OCA2: variants seen among roughly 807,000 people sequenced by gnomAD.
OCA2 encodes the protein P protein.
A neutral mutation model predicts 100.2 loss-of-function variants in OCA2; 77 were observed. The ratio of observed to expected loss-of-function variants is 0.77; its 90% confidence interval spans 0.64 to 0.93. OCA2 has a LOEUF of 0.93. Ranked by LOEUF, OCA2 falls within the 40% of genes least tolerant of loss-of-function variation. The pLI is 0.00. For missense variants in OCA2, 1,062 were observed against 1,089.1 expected (o/e 0.98, Z 0.35); for synonymous variants, 432 against 439.2 (o/e 0.98, Z 0.21).
intron 20 of OCA2, among the ~76,000 whole-genome samples, chr15:27,871,580 G>A (rs1352083680): frequency 6.6e-6 from 1 of 152,228 alleles, no homozygotes; most frequent in African/African-American, 2.4e-5. Context: ...TGGGGCTGGG[G>A]CGCCTGCAGC....
intron 17 of OCA2, among the ~76,000 whole-genome samples, chr15:27,952,754 A>G (rs2040077401): frequency 6.6e-6 from 1 of 151,774 alleles, no homozygotes; most frequent in African/African-American, 2.4e-5. Flanking sequence ...TCTCAGCTCA[A>G]CGCAACCTCC....
chr15:27,971,075 G>A (rs2040769696), intron 14 of OCA2, among the ~76,000 whole-genome samples: 1 of 151,176 alleles, frequency 6.6e-6, no homozygotes, highest in Non-Finnish European at 1.5e-5. Context: ...AGGAAAGCCT[G>A]AAGAACGCCC....
intron 8 of OCA2, among the ~76,000 whole-genome samples, chr15:28,015,347 G>A (rs766448231): frequency 2.0e-5 from 3 of 151,738 alleles, no homozygotes; most frequent in Non-Finnish European, 4.4e-5. Context: ...CCACAGGTCT[G>A]TGGCGAACAC....
the OCA2 span, among the ~76,000 whole-genome samples, chr15:27,720,589 G>A: frequency 1.3e-5 from 2 of 151,124 alleles, no homozygotes; most frequent in East Asian, 1.9e-4. Context: ...AAAACCACTA[G>A]GCTGAGCAAA....
the OCA2 span, among the ~76,000 whole-genome samples, chr15:27,738,436 A>C: frequency 6.6e-6 from 1 of 152,198 alleles, no homozygotes; most frequent in Admixed American, 6.5e-5. Context: ...GCTTCCACTT[A>C]TAAGAAGCTC....
intron 23 of OCA2, among the ~76,000 whole-genome samples, chr15:27,783,558 T>G (rs955253548): frequency 2.6e-5 from 4 of 152,210 alleles, no homozygotes; most frequent in Non-Finnish European, 5.9e-5. Context: ...AAATGGGATG[T>G]GAGCAGCTGC....
intron 15 of OCA2, among the ~76,000 whole-genome samples, chr15:27,964,596 CG>C (rs1437733040): frequency 6.6e-6 from 1 of 152,042 alleles, no homozygotes. Context: ...GGGGAGGGGG[CG>C]GGGGGTACAA....
At chr15:27,995,678 C>G (rs1204011963) in intron 9 of OCA2, among the ~76,000 whole-genome samples, 1 of 152,018 alleles carries the variant, frequency 6.6e-6, no homozygotes, top group Non-Finnish European at 1.5e-5. Context: ...GCATGAGCCA[C>G]CATGCTTGAA....
At chr15:27,791,579 A>T (rs2033082961) in intron 23 of OCA2, among the ~76,000 whole-genome samples, 1 of 152,326 alleles carries the variant, frequency 6.6e-6, no homozygotes, top group Non-Finnish European at 1.5e-5. Context: ...TTGTGCTGCT[A>T]TGTATGTGGC....
At chr15:28,047,733 G>A (rs2043387215) in intron 2 of OCA2, among the ~76,000 whole-genome samples, 1 of 152,120 alleles carries the variant, frequency 6.6e-6, no homozygotes, top group Non-Finnish European at 1.5e-5. Flanking sequence ...TTTCACTATT[G>A]CTAATTCACC....
At position 27,994,897 on chromosome 15, in the gene OCA2, G is replaced by A. The variant is rs895594917; in HGVS notation, c.1045-4250C>T. On this transcript the variant is annotated intron_variant, in intron 9 of 23. Transcript: ENST00000354638. ...AGATAGGTGGGATACCGAGCAGATG[G>A]AAAGACAAAACTTCTTTTGGTTACC... Among the ~76,000 whole-genome samples, 4 of 151,960 alleles carry A rather than the reference G, an allele frequency of 2.6e-5. No individual in the cohort carries two copies. The East Asian group carries it at 7.8e-4, about 30-fold the overall frequency.
intron 21 of OCA2, among the ~76,000 whole-genome samples, chr15:27,865,488 C>T (rs1033549631): frequency 2.0e-5 from 3 of 152,304 alleles, no homozygotes; most frequent in Admixed American, 2.0e-4. Flanking sequence ...AGGCACTGCA[C>T]CCTGTGTTCA....
chr15:27,934,096 G>A (rs781623021), intron 18 of OCA2, among the ~76,000 whole-genome samples: 30 of 151,592 alleles, frequency 2.0e-4, no homozygotes, highest in Non-Finnish European at 3.8e-4. Context: ...TATCACACAA[G>A]CCTTGCCATT....
intron 19 of OCA2, among the ~76,000 whole-genome samples, chr15:27,896,929 G>A (rs942799276): frequency 6.6e-6 from 1 of 152,116 alleles, no homozygotes; most frequent in African/African-American, 2.4e-5. Flanking sequence ...AGTGGCTCAC[G>A]CCTATAATCC....
At chr15:27,762,246 G>T (rs2030898032) in intron 23 of OCA2, among the ~76,000 whole-genome samples, 1 of 151,970 alleles carries the variant, frequency 6.6e-6, no homozygotes, top group Non-Finnish European at 1.5e-5. Flanking sequence ...GTCCATGTGA[G>T]ACAGAGTAGA....
intron 2 of OCA2, among the ~76,000 whole-genome samples, chr15:28,059,568 C>A (rs2043808565): frequency 6.6e-6 from 1 of 152,168 alleles, no homozygotes; most frequent in African/African-American, 2.4e-5. Context: ...TAATCATCAT[C>A]ATCATAAGAC....
At chr15:27,943,998 C>T (rs116427415) in intron 18 of OCA2, among the ~76,000 whole-genome samples, 74 of 152,260 alleles carry the variant, frequency 4.9e-4, no homozygotes, top group African/African-American at 1.6e-3. Context: ...TGTCATGGGC[C>T]GTGTTCACTC....
intron 9 of OCA2, among the ~76,000 whole-genome samples, chr15:27,997,107 A>AAAGGAAG (rs1271552316): frequency 0.015 from 831 of 54,650 alleles, 9 homozygotes; most frequent in African/African-American, 0.028. Context: ...AGGAAGAAAG[A>AAAGGAAG]AAAGAAAGGA....
intron 23 of OCA2, among the ~76,000 whole-genome samples, chr15:27,799,348 T>G (rs1052257998): frequency 6.6e-6 from 1 of 152,018 alleles, no homozygotes; most frequent in Non-Finnish European, 1.5e-5. Flanking sequence ...AATGAACAAA[T>G]GCATATACAC....
Sources: allele counts gnomAD v4.1 joint callset (sites outside exome capture counted in the v4.1 genomes callset), GRCh38; gene constraint gnomAD v4.1.1; transcripts MANE v1.5; gene names NCBI Gene and HGNC (gene_info 2026-07-23, HGNC 2026-07-21).